Variants in PDE6C observed in about 807,000 individuals in gnomAD.
PDE6C encodes the protein phosphodiesterase 6C.
PDE6C carries 75 observed loss-of-function variants against 113.1 expected under a neutral mutation model. The observed-to-expected ratio is 0.66, with a 90% CI of 0.55 to 0.80. PDE6C has a LOEUF of 0.80. Ranked by LOEUF, PDE6C falls within the 30% of genes least tolerant of loss-of-function variation. The pLI, the probability that PDE6C is intolerant of heterozygous loss-of-function variation, is 0.00. For missense variants in PDE6C, 912 were observed against 1,038.6 expected (o/e 0.88, Z 1.67); for synonymous variants, 375 against 363.7 (o/e 1.03, Z -0.35).
At position 93,634,766 on chromosome 10, in the gene PDE6C, T is replaced by C. The variant is rs2058519746; in HGVS notation, c.1128T>C (p.Pro376=). ...ADEYFTFQKG[P]VDETGWVIKN... The stretch of plus-strand genomic sequence containing the variant: ...TCCCTTCTCGTTTGTAGAAAGGACC[T>C]GTAGACGAAACTGGTTGGGTCATTA... Residue 376 remains proline (P), a synonymous_variant, in exon 9 of 22, where the codon CCT becomes CCC. Coordinates refer to ENST00000371447, the MANE Select transcript of PDE6C (RefSeq NM_006204.4). 1 of 1,614,146 alleles carries C rather than the reference T, an allele frequency of 6.2e-7. No homozygotes were observed. Among genetic ancestry groups the C allele is most frequent in the Non-Finnish European group, 8.5e-7 (1 of 1,179,994 alleles).
intron 8 of PDE6C, among the ~76,000 whole-genome samples, chr10:93,634,401 A>G (rs1441989833): frequency 6.6e-6 from 1 of 152,184 alleles, no homozygotes; most frequent in Non-Finnish European, 1.5e-5. Context: ...TAGTGATGGA[A>G]TAGTGTTGTA....
chr10:93,662,877 T>G, intron 20 of PDE6C, 151 bp from the exon 21 acceptor site: 2 of 722,250 alleles, frequency 2.8e-6, no homozygotes, highest in East Asian at 2.7e-5. Flanking sequence ...ACAGCACGTG[T>G]CTCTTTCCCA....
chr10:93,648,421 T>A (rs2058594412), intron 15 of PDE6C, among the ~76,000 whole-genome samples: 2 of 152,202 alleles, frequency 1.3e-5, no homozygotes, highest in African/African-American at 4.8e-5. Context: ...AAAAGATTGT[T>A]ACCTATCAGA....
intron 17 of PDE6C, 21 bp downstream of exon 17, chr10:93,659,029 TTC>T (rs762796270): frequency 1.3e-6 from 2 of 1,574,676 alleles, no homozygotes; most frequent in East Asian, 4.5e-5. Flanking sequence ...GAAATTGTAT[TTC>T]TCTCTTGTTT....
intron 15 of PDE6C, among the ~76,000 whole-genome samples, chr10:93,647,524 A>C (rs752396988): frequency 6.6e-6 from 1 of 152,180 alleles, no homozygotes; most frequent in Non-Finnish European, 1.5e-5. Context: ...ACCCAACACC[A>C]TTGCCATCCC....
chr10:93,614,323 G>GT (rs1046797395), intron 1 of PDE6C, among the ~76,000 whole-genome samples: 1 of 152,152 alleles, frequency 6.6e-6, no homozygotes, highest in African/African-American at 2.4e-5. Context: ...TCAAACACGA[G>GT]TGACTCTCTG....
At chr10:93,637,879 T>C (rs1042902751) in intron 11 of PDE6C, among the ~76,000 whole-genome samples, 3 of 152,230 alleles carry the variant, frequency 2.0e-5, no homozygotes, top group Non-Finnish European at 2.9e-5. Flanking sequence ...AAATCAGATA[T>C]TGTAGATAAA....
chr10:93,639,432 G>A (rs1008691065), intron 11 of PDE6C, among the ~76,000 whole-genome samples: 4 of 152,098 alleles, frequency 2.6e-5, no homozygotes, highest in African/African-American at 7.2e-5. Flanking sequence ...CACATAATCC[G>A]AAATCCTAAC....
intron 18 of PDE6C, among the ~76,000 whole-genome samples, chr10:93,660,599 T>C (rs1197779250): frequency 6.6e-6 from 1 of 152,124 alleles, no homozygotes; most frequent in African/African-American, 2.4e-5. Context: ...TGCTTTAGTT[T>C]CCTCAAATTC....
rs1412741999 is a variant in PDE6C at position 93,637,005 on chromosome 10, A to G, written c.1424A>G (p.Glu475Gly). ...GCTTTTACATTTTAGAAATTTCAAG[A>G]GAAGTTAAATGTTGATGTAATTGAC... ...EEIKSILKFQ[E>G]KLNVDVIDDC... The change falls in exon 11 of 22, where the codon GAG becomes GGG. Residue 475 changes from glutamate to glycine, a missense_variant. Physicochemically the swap from Glu to Gly is moderately conservative, Grantham distance 98. Transcript: ENST00000371447. The G allele has an allele frequency of 3.8e-6, 6 of 1,590,948 alleles. No homozygotes were observed. The highest frequency in any genetic ancestry group is 5.2e-6 in the Non-Finnish European group (6 of 1,159,294).
intron 21 of PDE6C, 93 bp downstream of exon 21, chr10:93,663,271 AC>A: frequency 8.0e-7 from 1 of 1,254,908 alleles, no homozygotes; most frequent in Non-Finnish European, 1.1e-6. Context: ...GTCACCACAA[AC>A]AGAAAACCTG....
At chr10:93,641,711 C>T (rs1457284333) in intron 14 of PDE6C, among the ~76,000 whole-genome samples, 1 of 152,146 alleles carries the variant, frequency 6.6e-6, no homozygotes, top group Non-Finnish European at 1.5e-5. Flanking sequence ...TTGTACACTC[C>T]TATGGAGCAC....
rs551122145 is a variant in PDE6C, at chr10:93,648,391, T to G, written c.1935+2344T>G. Reference sequence around the variant, plus strand: ...TCACACAGAGCCTGTTTATGAGCAGTCAAATTGGACACACACACAAAAAGA... The same window carrying G: ...TCACACAGAGCCTGTTTATGAGCAGGCAAATTGGACACACACACAAAAAGA... On this transcript the variant is annotated intron_variant, in intron 15 of 21. Transcript: ENST00000371447. 1.2e-4 allele frequency among the ~76,000 whole-genome samples: 18 copies of G among 152,302 alleles called. No homozygotes were observed. The South Asian group carries it at 3.7e-3, about 32-fold the overall frequency.
intron 8 of PDE6C, among the ~76,000 whole-genome samples, chr10:93,630,656 CTG>C (rs1456973494): frequency 6.6e-6 from 1 of 152,098 alleles, no homozygotes; most frequent in Non-Finnish European, 1.5e-5. Context: ...CCGTTGGGGT[CTG>C]TTTTTCTGTC....
intron 7 of PDE6C, among the ~76,000 whole-genome samples, chr10:93,627,867 T>C (rs1346352755): frequency 6.6e-6 from 1 of 152,222 alleles, no homozygotes; most frequent in Non-Finnish European, 1.5e-5. Context: ...ATTCTCGCAT[T>C]TTCTGTGTAA....
At chr10:93,654,806 CTTTCTTT>C (rs1356273415) in intron 15 of PDE6C, among the ~76,000 whole-genome samples, 3 of 82,950 alleles carry the variant, frequency 3.6e-5, no homozygotes, top group Non-Finnish European at 7.4e-5. Flanking sequence ...TTCTTTCTTT[CTTTCTTT>C]TTTTTTTTTT....
chr10:93,624,395 C>T (rs7095788), intron 4 of PDE6C, among the ~76,000 whole-genome samples: 58,287 of 151,888 alleles, frequency 0.38, 11,378 homozygotes, highest in East Asian at 0.48. Flanking sequence ...TGTACCACCA[C>T]GTCCACTGAT....
intron 18 of PDE6C, among the ~76,000 whole-genome samples, chr10:93,661,532 T>C (rs1299626714): frequency 6.6e-6 from 1 of 152,196 alleles, no homozygotes; most frequent in Non-Finnish European, 1.5e-5. Context: ...TCACCCCTTA[T>C]TCCTCTTGGC....
chr10:93,628,424 A>C (rs891175813), intron 7 of PDE6C, among the ~76,000 whole-genome samples: 5 of 152,000 alleles, frequency 3.3e-5, no homozygotes, highest in African/African-American at 1.2e-4. Context: ...GTCTTTACTA[A>C]AAATACAAAA....
Sources: allele counts gnomAD v4.1 joint callset (sites outside exome capture counted in the v4.1 genomes callset), GRCh38; gene constraint gnomAD v4.1.1; transcripts MANE v1.5; gene names NCBI Gene and HGNC (gene_info 2026-07-23, HGNC 2026-07-21).